Variants in RBP7 observed in about 807,000 individuals in gnomAD.
The protein encoded by RBP7 is retinol binding protein 7.
In RBP7, 13 loss-of-function variants were observed where a neutral mutation model predicts 16.7. The ratio of observed to expected loss-of-function variants is 0.78; its 90% CI spans 0.51 to 1.24. The LOEUF (loss-of-function observed/expected upper bound fraction) is 1.24. Ranked by LOEUF, RBP7 falls within the 50% of genes most tolerant of loss-of-function variation. RBP7 has a pLI of 0.00. For synonymous variants in RBP7, 54 were observed against 56.2 expected (o/e 0.96, Z 0.17); for missense variants, 145 against 159.5 (o/e 0.91, Z 0.49).
intron 1 of RBP7, among the ~76,000 whole-genome samples, chr1:10,000,397 G>A (rs1188825011): frequency 6.6e-6 from 1 of 151,746 alleles, no homozygotes; most frequent in Non-Finnish European, 1.5e-5. Flanking sequence ...AGCTAGGCAT[G>A]GTGGCTCATG....
intron 3 of RBP7, among the ~76,000 whole-genome samples, chr1:10,009,328 A>T (rs1205865017): frequency 7.0e-4 from 107 of 152,132 alleles, no homozygotes; most frequent in African/African-American, 2.5e-3. Flanking sequence ...GAGAATTGCT[A>T]GAACCAGTTA....
intron 3 of RBP7, among the ~76,000 whole-genome samples, chr1:10,012,939 C>CCAAAA (rs1642667846): frequency 1.4e-5 from 1 of 71,368 alleles, no homozygotes; most frequent in East Asian, 3.8e-4. Flanking sequence ...GAAACTGTCT[C>CCAAAA]AAAAAAAAAA....
chr1:10,007,817 C>A, intron 2 of RBP7, 69 bp downstream of exon 2: 2 of 1,406,284 alleles, frequency 1.4e-6, no homozygotes, highest in Non-Finnish European at 2.0e-6. Context: ...GAGGCCAACG[C>A]AGGCGGACCA....
chr1:10,011,876 A>G (rs201646622), intron 3 of RBP7, among the ~76,000 whole-genome samples: 2 of 151,566 alleles, frequency 1.3e-5, no homozygotes, highest in Non-Finnish European at 2.9e-5. Context: ...GGCCAACATG[A>G]TGAAACCCCA....
rs1242561471 is a variant in RBP7 at position 10,007,634 on chromosome 1, TG to T, written c.142del (p.Asp48IlefsTer11). Reference sequence around the variant, plus strand: ...AGCCACAGAAAGTGATTGAGCAGAATGGGGATTCTTTTACCATCCACACGAA... The same window carrying T: ...AGCCACAGAAAGTGATTGAGCAGAATGGGATTCTTTTACCATCCACACGAA... ...LKPQKVIEQN[G>X]DSFTIHTNSS... is the part of the protein sequence containing the mutation. On this transcript the variant is annotated frameshift_variant, in exon 2 of 4. Transcript: ENST00000294435. LOFTEE classifies it high-confidence loss of function. 1 of 1,613,932 alleles carries T rather than the reference TG, an allele frequency of 6.2e-7. No homozygotes were observed. Among genetic ancestry groups the T allele is most frequent in the Non-Finnish European group, 8.5e-7 (1 of 1,179,988 alleles).
intron 1 of RBP7, chr1:10,007,094 G>C: frequency 2.9e-6 from 1 of 339,170 alleles, no homozygotes; most frequent in South Asian, 2.2e-5. Context: ...TTACAGGTAT[G>C]TGCCACCATG....
intron 3 of RBP7, among the ~76,000 whole-genome samples, chr1:10,013,984 A>C (rs1240605009): frequency 6.6e-6 from 1 of 152,048 alleles, no homozygotes; most frequent in Non-Finnish European, 1.5e-5. Context: ...TCCAAATAAA[A>C]AAGGAGTAAG....
Position 9,997,434 on chromosome 1 carries a change from C to A in RBP7, c.73+103C>A. On this transcript the variant is annotated intron_variant, in intron 1 of 3. Coordinates refer to ENST00000294435, the MANE Select transcript of RBP7 (RefSeq NM_052960.3). This position sits in a 1 kb window ranked among gnomAD's most constrained non-coding sequence, Gnocchi z 5.9. Reference sequence around the variant, plus strand: ...CTGTAGGTACGTCCTCTGTCCGTGCCTCCGCCCTGCTGCGCCCACCGTCGC... The same window carrying A: ...CTGTAGGTACGTCCTCTGTCCGTGCATCCGCCCTGCTGCGCCCACCGTCGC... 1.8e-6 allele frequency: 2 copies of A among 1,106,206 alleles called. No individual in the cohort carries two copies. Among genetic ancestry groups the A allele is most frequent in the Non-Finnish European group, 2.7e-6 (2 of 751,584 alleles). The allele number at this position is 1,106,206 out of a possible 1,614,324, so 68.5% of individuals were successfully genotyped here.
chr1:9,999,238 T>C lies in RBP7; in HGVS notation c.73+1907T>C, dbSNP rs563459015. On this transcript the variant is annotated intron_variant, in intron 1 of 3. Coordinates refer to ENST00000294435, the MANE Select transcript of RBP7 (RefSeq NM_052960.3). Reference sequence around the variant, plus strand: ...CACGTGGAACTGCGGCAGTTAAACCTCTTTTTCTTTATAAGTTACCCACTC... The same window carrying C: ...CACGTGGAACTGCGGCAGTTAAACCCCTTTTTCTTTATAAGTTACCCACTC... 2.0e-5 allele frequency among the ~76,000 whole-genome samples: 3 copies of C among 152,208 alleles called. No homozygotes were observed. In the South Asian group the frequency reaches 6.3e-4, roughly 32 times the overall value.
In RBP7 at chr1:9,997,405, G is replaced by A. The variant is rs1177782904; in HGVS notation, c.73+74G>A. On this transcript the variant is annotated intron_variant, in intron 1 of 3. Coordinates refer to ENST00000294435, the MANE Select transcript of RBP7 (RefSeq NM_052960.3). The surrounding 1 kb of genome is among the most constrained non-coding windows in gnomAD (Gnocchi z 5.9). ...GGGATCAGGCGAAGGCGGCCGGGCC[G>A]GGCCTGTAGGTACGTCCTCTGTCCG... The A allele has an allele frequency of 3.5e-6, 5 of 1,430,170 alleles. No homozygotes were observed. Among genetic ancestry groups the A allele is most frequent in the South Asian group, 1.2e-5 (1 of 85,980 alleles). The allele number at this position is 1,430,170 out of a possible 1,614,324, so 88.6% of individuals were successfully genotyped here. A position where few individuals can be genotyped will look rare whatever the true frequency, so the allele number is the denominator to read the frequency against.
At chr1:10,005,070 GTA>G (rs1279842725) in intron 1 of RBP7, among the ~76,000 whole-genome samples, 1 of 152,184 alleles carries the variant, frequency 6.6e-6, no homozygotes, top group African/African-American at 2.4e-5. Context: ...TTGAAAACCA[GTA>G]AAGCCTGGAT....
At chr1:10,001,150 A>G (rs147160079) in intron 1 of RBP7, among the ~76,000 whole-genome samples, 1 of 152,270 alleles carries the variant, frequency 6.6e-6, no homozygotes, top group East Asian at 1.9e-4. Context: ...TCCAGCTGGC[A>G]TCTCATTTGA....
intron 3 of RBP7, among the ~76,000 whole-genome samples, chr1:10,013,223 C>T (rs1642677062): frequency 6.6e-6 from 1 of 151,846 alleles, no homozygotes; most frequent in African/African-American, 2.4e-5. Flanking sequence ...CAGGCGCCCG[C>T]TACCATGCCC....
At chr1:10,008,825 C>A (rs931525586) in intron 3 of RBP7, among the ~76,000 whole-genome samples, 1 of 151,946 alleles carries the variant, frequency 6.6e-6, no homozygotes, top group Non-Finnish European at 1.5e-5. Flanking sequence ...ATGAAACAGC[C>A]GAATATTCCG....
intron 3 of RBP7, among the ~76,000 whole-genome samples, chr1:10,012,421 C>T (rs1279330996): frequency 2.6e-5 from 4 of 151,298 alleles, no homozygotes; most frequent in Admixed American, 1.3e-4. Flanking sequence ...TTCGCAAATA[C>T]GTAATATGGA....
intron 1 of RBP7, among the ~76,000 whole-genome samples, chr1:9,999,151 T>C (rs1033767502): frequency 6.6e-6 from 1 of 152,186 alleles, no homozygotes; most frequent in African/African-American, 2.4e-5. Flanking sequence ...TCATTCTCTC[T>C]TGCCTGCCAC....
In RBP7 at chr1:9,997,903, C is replaced by T. The variant is rs900799768; in HGVS notation, c.73+572C>T. On this transcript the variant is annotated intron_variant, in intron 1 of 3. Coordinates refer to ENST00000294435, the MANE Select transcript of RBP7 (RefSeq NM_052960.3). This position sits in a 1 kb window ranked among gnomAD's most constrained non-coding sequence, Gnocchi z 5.9. ...GGAGCCAGCGGACGACCCTTCAGGT[C>T]CGGGCACCCGCGGGAGTGCAGAGCC... Among the ~76,000 whole-genome samples the T allele has an allele frequency of 1.2e-4, 18 of 152,240 alleles. No individual in the cohort carries two copies. Among genetic ancestry groups the T allele is most frequent in the African/African-American group, 4.1e-4 (17 of 41,578 alleles).
chr1:10,006,591 G>T (rs1642445390), intron 1 of RBP7, among the ~76,000 whole-genome samples: 1 of 151,792 alleles, frequency 6.6e-6, no homozygotes, highest in Non-Finnish European at 1.5e-5. Context: ...TTACTCAGGA[G>T]ACTGAGGCAA....
intron 1 of RBP7, among the ~76,000 whole-genome samples, chr1:9,998,860 A>T (rs765536667): frequency 1.3e-5 from 2 of 152,156 alleles, no homozygotes; most frequent in Non-Finnish European, 2.9e-5. Context: ...GGAAGAGCAG[A>T]GAATTCTTTT....
Sources: allele counts gnomAD v4.1 joint callset (sites outside exome capture counted in the v4.1 genomes callset), GRCh38; gene constraint gnomAD v4.1.1; non-coding constraint Gnocchi (gnomAD v3.1); transcripts MANE v1.5; gene names NCBI Gene and HGNC (gene_info 2026-07-23, HGNC 2026-07-21).